Variants in GRHL2 observed in about 807,000 individuals in gnomAD.
GRHL2 encodes the protein grainyhead-like protein 2 homolog.
In GRHL2, 21 loss-of-function variants were observed where a neutral mutation model predicts 83.8. The observed-to-expected ratio is 0.25, with a 90% CI of 0.18 to 0.36. The LOEUF is 0.36. Ranked by LOEUF, GRHL2 falls within the 10% of genes least tolerant of loss-of-function variation. The pLI, the probability that GRHL2 is intolerant of heterozygous loss-of-function variation, is 1.00. For missense variants in GRHL2, 623 were observed against 781.8 expected, an observed-to-expected ratio of 0.80 and a Z score of 2.42; for synonymous variants, 280 against 278.9, an observed-to-expected ratio of 1.00 and a Z score of -0.04.
intron 7 of GRHL2, among the ~76,000 whole-genome samples, chr8:101,585,507 A>G (rs552686297): frequency 2.0e-5 from 3 of 152,290 alleles, no homozygotes; most frequent in East Asian, 1.9e-4. Flanking sequence ...CGTCCTCCAT[A>G]GGACCAGATG....
At chr8:101,671,390 C>T (rs796990635), downstream of GRHL2, among the ~76,000 whole-genome samples, 4 of 152,298 alleles carry the variant, frequency 2.6e-5, no homozygotes, top group South Asian at 4.1e-4. Flanking sequence ...GAGGGTCCTA[C>T]GCGCATGGAG....
chr8:101,523,002 C>T (rs1810721380), intron 1 of GRHL2, among the ~76,000 whole-genome samples: 1 of 151,638 alleles, frequency 6.6e-6, no homozygotes. Flanking sequence ...CTCCGCCTCC[C>T]TGGTTCAAGT....
intron 4 of GRHL2, among the ~76,000 whole-genome samples, chr8:101,568,915 T>G (rs868423573): frequency 2.3e-4 from 35 of 152,324 alleles, no homozygotes; most frequent in African/African-American, 7.9e-4. Context: ...ATCATAAATA[T>G]GTATGGAAAC....
chr8:101,565,284 TGGAA>T (rs141222933), intron 4 of GRHL2, among the ~76,000 whole-genome samples: 2,408 of 152,188 alleles, frequency 0.016, 66 homozygotes, highest in African/African-American at 0.053. Context: ...AATTAAAAGA[TGGAA>T]GGATTTTTAT....
Position 101,543,307 on chromosome 8 carries a change from C to T in GRHL2, c.87C>T (p.Tyr29=), listed in dbSNP as rs780810033. ...CTCCATTCAATACCCGAAGAGCCTA[C>T]ACCAGTGAGGATGAAGCCTGGAAGT... ...SDPPFNTRRA[Y]TSEDEAWKSY... The change falls in exon 2 of 16, where the codon TAC becomes TAT. Residue 29 remains tyrosine (Y), a synonymous_variant. Coordinates refer to ENST00000646743, the MANE Select transcript of GRHL2 (RefSeq NM_024915.4). The T allele has an allele frequency of 6.2e-6, 10 of 1,614,024 alleles. No individual in the cohort carries two copies. In the Admixed American group the frequency reaches 6.7e-5, roughly 11 times the overall value.
chr8:101,669,809 A>G (rs1338555623), downstream of GRHL2: 1 of 152,084 alleles, frequency 6.6e-6, no homozygotes, highest in Non-Finnish European at 1.5e-5. Context: ...ACGTGGGAAA[A>G]TTCTAGCTGC....
intron 2 of GRHL2, among the ~76,000 whole-genome samples, chr8:101,550,692 G>A (rs113326378): frequency 1.3e-5 from 2 of 152,232 alleles, no homozygotes; most frequent in South Asian, 2.1e-4. Context: ...TGCAAACATC[G>A]CCACCATCTA....
At position 101,593,208 on chromosome 8, in the gene GRHL2, A is replaced by C. The variant is rs184195835; in HGVS notation, c.1004-5849A>C. 9.1e-4 allele frequency among the ~76,000 whole-genome samples: 139 copies of C among 152,008 alleles called. 1 individual carries two copies. Among genetic ancestry groups the C allele is most frequent in the African/African-American group, 3.3e-3 (136 of 41,456 alleles). ...TGATCCACCTGTCTCGGCCTCCCAAAGTGTTAGGATTACAGGCGTGAGCCA... is the reference window on the plus strand; with the variant it reads ...TGATCCACCTGTCTCGGCCTCCCAACGTGTTAGGATTACAGGCGTGAGCCA... On this transcript the variant is annotated intron_variant, in intron 7 of 15. Coordinates refer to ENST00000646743, the MANE Select transcript of GRHL2 (RefSeq NM_024915.4).
chr8:101,529,316 C>G lies in GRHL2; in HGVS notation c.21-13925C>G, dbSNP rs190177440. The G allele has an allele frequency of 1.7e-3, 326 of 192,880 alleles. 2 individuals are homozygous for G. The highest frequency in any genetic ancestry group is 8.1e-4 in the Non-Finnish European group (77 of 95,032). 11.9% of individuals were successfully genotyped at this position (192,880 alleles called of 1,614,324 possible). ...GGCATGGTGGCATGTGCTTGTAGTC[C>G]CAGCTACTCGGGAGACTGAGGCAGG... On this transcript the variant is annotated intron_variant, in intron 1 of 15. Coordinates refer to ENST00000646743, the MANE Select transcript of GRHL2 (RefSeq NM_024915.4).
At chr8:101,671,037 G>A (rs185922033), downstream of GRHL2, among the ~76,000 whole-genome samples, 71 of 152,288 alleles carry the variant, frequency 4.7e-4, 1 homozygote, top group East Asian at 0.013. Flanking sequence ...CACCAAGGGG[G>A]GTGGAGCCAA....
intron 4 of GRHL2, among the ~76,000 whole-genome samples, chr8:101,566,323 A>G (rs1468207923): frequency 6.6e-6 from 1 of 151,978 alleles, no homozygotes; most frequent in Non-Finnish European, 1.5e-5. Flanking sequence ...TTATATTAAC[A>G]TGGCATTTAC....
In GRHL2 at chr8:101,636,936, A is replaced by T. The variant is rs1319681437; in HGVS notation, c.1517+8A>T. 2 of 1,612,604 alleles carry T rather than the reference A, an allele frequency of 1.2e-6. No individual in the cohort carries two copies. Among genetic ancestry groups the T allele is most frequent in the Admixed American group, 3.3e-5 (2 of 59,990 alleles). ...GGATGATGAACGAGAAGGGTAAGAC[A>T]CTCAGTTCTTTCATTTCAACACTCC... On this transcript the variant is annotated splice_region_variant and intron_variant, in intron 12 of 15. Coordinates refer to ENST00000646743, the MANE Select transcript of GRHL2 (RefSeq NM_024915.4).
At chr8:101,586,208 T>C (rs1046623222) in intron 7 of GRHL2, among the ~76,000 whole-genome samples, 2 of 151,772 alleles carry the variant, frequency 1.3e-5, no homozygotes, top group Admixed American at 1.3e-4. Flanking sequence ...GCCTCCCGAG[T>C]AGCTGGGACT....
chr8:101,551,981 G>A (rs369666096), intron 2 of GRHL2, among the ~76,000 whole-genome samples: 2 of 151,782 alleles, frequency 1.3e-5, no homozygotes, highest in Non-Finnish European at 2.9e-5. Context: ...GACTACAGGT[G>A]CCTGCCACCA....
At position 101,644,137 on chromosome 8, in the gene GRHL2, T is replaced by C. The variant is rs776939756; in HGVS notation, c.1524T>C (p.Ser508=). The change falls in exon 13 of 16, where the codon AGT becomes AGC. Residue 508 remains serine (S), a synonymous_variant. Coordinates refer to ENST00000646743, the MANE Select transcript of GRHL2 (RefSeq NM_024915.4). ...YNTDDEREGG[S]VLVKRMFRPM... is the part of the protein sequence containing the mutation. Reference sequence around the variant, plus strand: ...TTCTGCTTATCTTTTCTAGTGGCAGTGTCCTTGTTAAACGGATGTTCCGGC... The same window carrying C: ...TTCTGCTTATCTTTTCTAGTGGCAGCGTCCTTGTTAAACGGATGTTCCGGC... 48 of 1,613,822 alleles carry C rather than the reference T, an allele frequency of 3.0e-5. No individual in the cohort carries two copies.
rs531748879 is a variant in GRHL2, at chr8:101,589,396, G to A, written c.1004-9661G>A. Among the ~76,000 whole-genome samples the A allele has an allele frequency of 6.6e-5, 10 of 152,286 alleles. No individual in the cohort carries two copies. The East Asian group carries it at 9.6e-4, about 15-fold the overall frequency. On this transcript the variant is annotated intron_variant, in intron 7 of 15. Coordinates refer to ENST00000646743, the MANE Select transcript of GRHL2 (RefSeq NM_024915.4). ...TGTGCTGTGGTGCAAGCACGGGCAC[G>A]CGTGCATGTGTGTTTATGTGTGTCT...
chr8:101,665,669 CA>C (rs2129773557), intron 15 of GRHL2, among the ~76,000 whole-genome samples: 2 of 152,238 alleles, frequency 1.3e-5, no homozygotes, highest in East Asian at 3.9e-4. Context: ...AGCTCTGTAT[CA>C]GGTGTTGTGC....
At chr8:101,551,330 C>T (rs1811375443) in intron 2 of GRHL2, among the ~76,000 whole-genome samples, 1 of 151,978 alleles carries the variant, frequency 6.6e-6, no homozygotes, top group South Asian at 2.1e-4. Context: ...ATTGTTATGC[C>T]CATTTTTCAG....
In GRHL2 at chr8:101,570,321, A is replaced by T. The variant is rs771558300; in HGVS notation, c.679-18A>T. 4 of 1,606,388 alleles carry T rather than the reference A, an allele frequency of 2.5e-6. No individual in the cohort carries two copies. In the Admixed American group the frequency reaches 5.0e-5, roughly 20 times the overall value. The stretch of plus-strand genomic sequence containing the variant: ...GACTTACCTATTTGTTTTAATTCCG[A>T]TGACTCATATTTTGCAGAAATTTCG... On this transcript the variant is annotated intron_variant, in intron 4 of 15. Transcript: ENST00000646743.
Sources: allele counts gnomAD v4.1 joint callset (sites outside exome capture counted in the v4.1 genomes callset), GRCh38; gene constraint gnomAD v4.1.1; transcripts MANE v1.5; gene names NCBI Gene and HGNC (gene_info 2026-07-23, HGNC 2026-07-21).